The following CDON variants were observed in gnomAD, a reference collection of about 807,000 sequenced individuals.
The protein encoded by CDON is cell adhesion associated, oncogene regulated, also known as cell adhesion molecule-related/down-regulated by oncogenes.
A neutral mutation model predicts 120.9 loss-of-function variants in CDON; 73 were observed. That is an observed-to-expected ratio of 0.60 (90% CI 0.50 to 0.73). The LOEUF (loss-of-function observed/expected upper bound fraction) is 0.73. Among genes scored for constraint, CDON ranks in the 30% least tolerant of loss-of-function variants. CDON has a pLI of 0.00. For synonymous variants in CDON, 566 were observed against 573.5 expected, an observed-to-expected ratio of 0.99 and a Z score of 0.19; for missense variants, 1,470 against 1,587.3, an observed-to-expected ratio of 0.93 and a Z score of 1.26.
At chr11:126,046,377 A>G (rs1352655917) in intron 1 of CDON, among the ~76,000 whole-genome samples, 2 of 152,196 alleles carry the variant, frequency 1.3e-5, no homozygotes, top group African/African-American at 2.4e-5. Flanking sequence ...TCTCCTGCAT[A>G]CATGTTCAAT....
chr11:125,990,722 G>A (rs910616625), intron 14 of CDON, among the ~76,000 whole-genome samples: 6 of 152,178 alleles, frequency 3.9e-5, no homozygotes, highest in South Asian at 2.1e-4. Context: ...GACCAATATC[G>A]CCAGACTCCT....
chr11:125,970,560 T>A (rs1945951419), intron 18 of CDON, among the ~76,000 whole-genome samples: 1 of 152,194 alleles, frequency 6.6e-6, no homozygotes, highest in Non-Finnish European at 1.5e-5. Context: ...TTTCGGGAGC[T>A]TATCAGTTAC....
At chr11:126,053,360 G>A (rs773412040) in intron 1 of CDON, among the ~76,000 whole-genome samples, 2 of 152,122 alleles carry the variant, frequency 1.3e-5, no homozygotes, top group Admixed American at 6.5e-5. Flanking sequence ...GGGTTTACTG[G>A]AACTACTGCT....
At chr11:125,978,173 A>G (rs1591557485) in intron 18 of CDON, 131 bp downstream of exon 18, 1 of 706,536 alleles carries the variant, frequency 1.4e-6, no homozygotes, top group African/African-American at 1.8e-5. Flanking sequence ...TAACAGCTTT[A>G]AATTTAAGAT....
At chr11:126,054,277 C>A (rs1336113724) in intron 1 of CDON, among the ~76,000 whole-genome samples, 3 of 152,116 alleles carry the variant, frequency 2.0e-5, no homozygotes, top group Non-Finnish European at 4.4e-5. Flanking sequence ...AGAACCCCTG[C>A]AAAATACAAA....
rs372924445 is a variant in CDON, at chr11:126,040,669, T to G, written c.-61-17132A>C. On this transcript the variant is annotated intron_variant, in intron 1 of 19. Transcript: ENST00000531738. ...TCTCTACTAAAAATACAAAAAATTA[T>G]CCGGGCCTGGTGGCCGGCGCCTGTA... 6.7e-5 allele frequency among the ~76,000 whole-genome samples: 10 copies of G among 148,852 alleles called. No homozygotes were observed. The East Asian group carries it at 2.0e-3, about 30-fold the overall frequency.
intron 1 of CDON, among the ~76,000 whole-genome samples, chr11:126,026,822 T>C (rs965052305): frequency 1.3e-5 from 2 of 152,212 alleles, no homozygotes; most frequent in Non-Finnish European, 2.9e-5. Flanking sequence ...AAAGTAAACA[T>C]TCAAATAACT....
intron 1 of CDON, among the ~76,000 whole-genome samples, chr11:126,042,633 A>C (rs1371225225): frequency 1.3e-5 from 2 of 152,096 alleles, no homozygotes; most frequent in Non-Finnish European, 2.9e-5. Flanking sequence ...CTTTAGTTTT[A>C]TTTTTGAGAC....
intron 3 of CDON, 83 bp downstream of exon 3, chr11:126,021,159 AGCCCAT>A: frequency 7.2e-7 from 1 of 1,390,696 alleles, no homozygotes; most frequent in South Asian, 1.2e-5. Context: ...TTTACACCAA[AGCCCAT>A]GGTCTTTCCC....
intron 15 of CDON, among the ~76,000 whole-genome samples, chr11:125,989,064 G>A (rs1014886552): frequency 4.6e-5 from 7 of 152,020 alleles, no homozygotes; most frequent in African/African-American, 1.7e-4. Flanking sequence ...TAAAAATAAA[G>A]AAAAGGGAAG....
intron 17 of CDON, among the ~76,000 whole-genome samples, chr11:125,980,595 C>T (rs1946267864): frequency 6.6e-6 from 1 of 150,968 alleles, no homozygotes; most frequent in Non-Finnish European, 1.5e-5. Flanking sequence ...CTGTAAGTGT[C>T]AAACCGCGGC....
chr11:125,967,392 T>G (rs1168111215), intron 18 of CDON, among the ~76,000 whole-genome samples: 1 of 152,186 alleles, frequency 6.6e-6, no homozygotes, highest in Non-Finnish European at 1.5e-5. Flanking sequence ...TGATAGTTAT[T>G]TCTGTCCTAG....
intron 1 of CDON, among the ~76,000 whole-genome samples, chr11:126,033,603 T>G (rs1261539507): frequency 6.6e-6 from 1 of 152,158 alleles, no homozygotes; most frequent in Non-Finnish European, 1.5e-5. Context: ...TGATTTAATT[T>G]CACATTTCAC....
chr11:126,001,705 ATTC>A lies in CDON; in HGVS notation c.2158+11_2158+13del. 4 of 1,610,804 alleles carry A rather than the reference ATTC, an allele frequency of 2.5e-6. No individual in the cohort carries two copies. The highest frequency in any genetic ancestry group is 3.4e-6 in the Non-Finnish European group (4 of 1,177,186). ...TATATTTGTAAAGAAACAATAAAAT[ATTC>A]TTCTTTTTACCTCCACTGTGCCTAG... On this transcript the variant is annotated intron_variant, in intron 11 of 19. Transcript: ENST00000531738.
chr11:126,017,805 T>A (rs1398827760), intron 5 of CDON, among the ~76,000 whole-genome samples: 2 of 152,066 alleles, frequency 1.3e-5, no homozygotes, highest in African/African-American at 4.8e-5. Flanking sequence ...AGGGCAAAAT[T>A]CTCCACATGT....
chr11:125,995,043 T>A lies in CDON; in HGVS notation c.2372A>T (p.Tyr791Phe). The part of the protein sequence containing the change: ...EVRSLEPGST[Y>F]KFRVIAINHY... ...GTTGATGGCAATGACCCTAAATTTGTATGTTGAACCTTTGAGGGAAAACAA... is the reference window on the plus strand; with the variant it reads ...GTTGATGGCAATGACCCTAAATTTGAATGTTGAACCTTTGAGGGAAAACAA... Residue 791 changes from tyrosine (Y) to phenylalanine (F), a missense_variant, in exon 13 of 20, where the codon TAC becomes TTC. By Grantham distance (22) the Tyr-to-Phe change is conservative (BLOSUM62 3). Transcript: ENST00000531738. The A allele has an allele frequency of 6.2e-7, 1 of 1,613,888 alleles. No individual in the cohort carries two copies. The highest frequency in any genetic ancestry group is 1.7e-5 in the Admixed American group (1 of 59,986).
intron 18 of CDON, among the ~76,000 whole-genome samples, chr11:125,977,518 T>C (rs1946180483): frequency 6.6e-6 from 1 of 152,200 alleles, no homozygotes; most frequent in Non-Finnish European, 1.5e-5. Context: ...AACTATGACA[T>C]AATCTTTTTG....
intron 2 of CDON, 39 bp from the exon 3 acceptor site, chr11:126,021,559 G>A (rs897356546): frequency 1.3e-6 from 2 of 1,559,100 alleles, no homozygotes; most frequent in Non-Finnish European, 1.8e-6. Context: ...GAAAGCAGGG[G>A]AGAAAAGAGG....
At chr11:125,993,071 T>C (rs939453732) in intron 14 of CDON, among the ~76,000 whole-genome samples, 20 of 152,214 alleles carry the variant, frequency 1.3e-4, no homozygotes, top group Admixed American at 1.3e-3. Context: ...CTTACGCTGC[T>C]TTCTTGCAAC....
Sources: gnomAD v4.1 joint callset for allele counts (sites outside exome capture counted in the v4.1 genomes callset) on GRCh38, gnomAD v4.1.1 for gene constraint, MANE v1.5 for transcripts, NCBI Gene and HGNC (gene_info 2026-07-23, HGNC 2026-07-21) for gene names.